Variants in CSMD1 observed in about 807,000 individuals in gnomAD.
CSMD1 encodes the protein CUB and Sushi multiple domains 1.
Under a neutral mutation model 417.5 loss-of-function variants are expected in CSMD1, and 213 were observed. That is an observed-to-expected ratio of 0.51 (90% CI 0.46 to 0.57). The LOEUF is 0.57. Among genes scored for constraint, CSMD1 ranks in the 20% least tolerant of loss-of-function variants. CSMD1 has a pLI of 0.00. For synonymous variants in CSMD1, 2,862 were observed against 1,736.8 expected, an observed-to-expected ratio of 1.65 and a Z score of -16.11; for missense variants, 6,923 against 4,529.7, an observed-to-expected ratio of 1.53 and a Z score of -15.17.
intron 25 of CSMD1, among the ~76,000 whole-genome samples, chr8:3,296,541 G>A (rs911098124): frequency 7.2e-5 from 11 of 152,140 alleles, no homozygotes; most frequent in African/African-American, 2.7e-4. Flanking sequence ...AGAACTGGCC[G>A]TGCTTGCTTG....
intron 2 of CSMD1, among the ~76,000 whole-genome samples, chr8:4,526,249 C>T (rs1782162184): frequency 6.6e-6 from 1 of 152,120 alleles, no homozygotes; most frequent in South Asian, 2.1e-4. Flanking sequence ...ACAAGAGATT[C>T]CCATTATAAA....
chr8:3,933,593 G>T (rs1259901151), intron 5 of CSMD1, among the ~76,000 whole-genome samples: 1 of 152,110 alleles, frequency 6.6e-6, no homozygotes, highest in Non-Finnish European at 1.5e-5. Flanking sequence ...GGAGTGTGTA[G>T]AACTGTTAAG....
chr8:3,206,568 T>A (rs1421302448), intron 30 of CSMD1, among the ~76,000 whole-genome samples: 1 of 12,266 alleles, frequency 8.2e-5, no homozygotes, highest in Non-Finnish European at 2.4e-4. Context: ...TGTGTGTATG[T>A]GTGTGTGTGT....
intron 1 of CSMD1, among the ~76,000 whole-genome samples, chr8:4,637,920 C>T (rs1029404669): frequency 7.9e-5 from 12 of 151,426 alleles, no homozygotes; most frequent in East Asian, 7.8e-4. Flanking sequence ...TCCACCCGCC[C>T]CGGCCTCCCA....
intron 7 of CSMD1, among the ~76,000 whole-genome samples, chr8:3,690,333 G>T (rs1013616040): frequency 1.3e-5 from 2 of 152,242 alleles, no homozygotes; most frequent in Non-Finnish European, 1.5e-5. Flanking sequence ...TGCAGCCTGG[G>T]TGACAGAACG....
intron 16 of CSMD1, among the ~76,000 whole-genome samples, chr8:3,397,990 T>G (rs1017416760): frequency 6.6e-6 from 1 of 152,190 alleles, no homozygotes; most frequent in Non-Finnish European, 1.5e-5. Flanking sequence ...AGATCACACA[T>G]GTCTAAAAAT....
At chr8:4,594,540 T>C (rs552427419) in intron 2 of CSMD1, among the ~76,000 whole-genome samples, 11 of 152,254 alleles carry the variant, frequency 7.2e-5, no homozygotes, top group East Asian at 3.9e-4. Context: ...TTCTGAGTTA[T>C]TGGGATTTAG....
intron 1 of CSMD1, among the ~76,000 whole-genome samples, chr8:4,931,560 T>C (rs565688673): frequency 2.7e-4 from 38 of 141,016 alleles, no homozygotes; most frequent in Non-Finnish European, 8.2e-5. Context: ...ACCCAGACTA[T>C]AGCTGATTTC....
chr8:3,505,060 G>C (rs1796767339), intron 10 of CSMD1, among the ~76,000 whole-genome samples: 1 of 152,114 alleles, frequency 6.6e-6, no homozygotes, highest in Admixed American at 6.5e-5. Flanking sequence ...GAATAAGCTA[G>C]TGAGAATTTC....
At chr8:4,270,982 C>T (rs890891460) in intron 3 of CSMD1, among the ~76,000 whole-genome samples, 1 of 152,286 alleles carries the variant, frequency 6.6e-6, no homozygotes, top group East Asian at 1.9e-4. Context: ...TCACTCTTTA[C>T]TGAGATTGCA....
chr8:3,285,537 C>G (rs1803083129), intron 25 of CSMD1, among the ~76,000 whole-genome samples: 1 of 152,042 alleles, frequency 6.6e-6, no homozygotes, highest in Non-Finnish European at 1.5e-5. Context: ...CAAGCATGAG[C>G]TGTCATGTTC....
intron 3 of CSMD1, among the ~76,000 whole-genome samples, chr8:4,053,116 GC>G (rs1214381989): frequency 1.3e-5 from 2 of 152,140 alleles, no homozygotes; most frequent in African/African-American, 2.4e-5. Context: ...AGGACCCCTT[GC>G]CCAGGAAGCT....
At chr8:3,857,356 A>T (rs1240277848) in intron 5 of CSMD1, among the ~76,000 whole-genome samples, 1 of 152,208 alleles carries the variant, frequency 6.6e-6, no homozygotes, top group Non-Finnish European at 1.5e-5. Flanking sequence ...AAACTACACA[A>T]ACAAAGCTCC....
chr8:3,193,993 T>G (rs1273563241), intron 33 of CSMD1, among the ~76,000 whole-genome samples: 1 of 152,196 alleles, frequency 6.6e-6, no homozygotes, highest in Non-Finnish European at 1.5e-5. Flanking sequence ...AATACCTAAG[T>G]GAAGCAGTTT....
chr8:2,964,575 T>C (rs1420755214), intron 59 of CSMD1, among the ~76,000 whole-genome samples: 1 of 152,230 alleles, frequency 6.6e-6, no homozygotes, highest in Non-Finnish European at 1.5e-5. Context: ...AGAAAGAGGA[T>C]AAAAATCCAC....
intron 21 of CSMD1, among the ~76,000 whole-genome samples, chr8:3,357,516 A>C (rs1255704691): frequency 6.6e-6 from 1 of 152,246 alleles, no homozygotes; most frequent in Non-Finnish European, 1.5e-5. Flanking sequence ...CTGAGTTTTC[A>C]TATTTTAGAC....
chr8:4,637,675 T>G, intron 1 of CSMD1, 117 bp from the exon 2 acceptor site: 1 of 569,360 alleles, frequency 1.8e-6, no homozygotes, highest in Non-Finnish European at 2.9e-6. Flanking sequence ...TTTTTTTTTT[T>G]TTTTTTGAGA....
chr8:3,987,121 T>G (rs1178521016), intron 5 of CSMD1, among the ~76,000 whole-genome samples: 1 of 152,206 alleles, frequency 6.6e-6, no homozygotes, highest in Non-Finnish European at 1.5e-5. Flanking sequence ...CTTACTGGAA[T>G]GTATTTACAC....
At chr8:3,757,920 T>C (rs1285570195) in intron 5 of CSMD1, among the ~76,000 whole-genome samples, 1 of 152,074 alleles carries the variant, frequency 6.6e-6, no homozygotes, top group Non-Finnish European at 1.5e-5. Flanking sequence ...AGATGATGCA[T>C]AGCAGCCTAG....
Sources: gnomAD v4.1 joint callset for allele counts (sites outside exome capture counted in the v4.1 genomes callset) on GRCh38, gnomAD v4.1.1 for gene constraint, MANE v1.5 for transcripts, NCBI Gene and HGNC (gene_info 2026-07-23, HGNC 2026-07-21) for gene names.